Variants in PCM1 observed in about 807,000 individuals in gnomAD.
PCM1 encodes the protein pericentriolar material 1 protein.
In PCM1, 157 loss-of-function variants were observed where a neutral mutation model predicts 241.9. The observed-to-expected ratio is 0.65, with a 90% CI of 0.57 to 0.74. PCM1 has a LOEUF of 0.74. PCM1 is among the 30% of genes least tolerant of loss of function. The pLI is 0.00. For missense variants in PCM1, 3,478 were observed against 2,360.1 expected (o/e 1.47, Z -9.81); for synonymous variants, 1,085 against 784.9 (o/e 1.38, Z -6.39).
Position 18,029,661 on chromosome 8 carries a change from G to C in PCM1, c.*1999G>C, listed in dbSNP as rs751434145. 147 of 198,970 alleles carry C rather than the reference G, an allele frequency of 7.4e-4. No individual in the cohort carries two copies. Among genetic ancestry groups the C allele is most frequent in the Non-Finnish European group, 1.3e-3 (122 of 96,434 alleles). The allele number at this position is 198,970 out of a possible 1,614,324, so 12.3% of individuals were successfully genotyped here. ...AGTAGATAATTTAGTTTTAAAATAC[G>C]TAGGGTTTGAGAGCAGATATATTTA... On this transcript the variant is annotated 3_prime_UTR_variant, in exon 39 of 39. Transcript: ENST00000325083.
intron 17 of PCM1, among the ~76,000 whole-genome samples, chr8:17,963,790 C>T (rs2073643410): frequency 6.6e-6 from 1 of 152,106 alleles, no homozygotes; most frequent in African/African-American, 2.4e-5. Context: ...AATTATTTAG[C>T]TATATAGTAG....
chr8:17,999,118 C>G (rs1413470698), intron 29 of PCM1, among the ~76,000 whole-genome samples: 1 of 152,074 alleles, frequency 6.6e-6, no homozygotes. Context: ...TTGCGGATCC[C>G]AGGAGCCTGC....
At position 17,991,707 on chromosome 8, in the gene PCM1, A is replaced by G. The variant is rs1564224863; in HGVS notation, c.4690+7A>G. 2 of 1,539,566 alleles carry G rather than the reference A, an allele frequency of 1.3e-6. No homozygotes were observed. Among genetic ancestry groups the G allele is most frequent in the East Asian group, 2.5e-5 (1 of 40,728 alleles). On this transcript the variant is annotated splice_region_variant and intron_variant, in intron 28 of 38. Transcript: ENST00000325083. ...ACAGTTAATAATTTAGAAGGTATAT[A>G]TTTTTGTTTTCGGTAGGTTTTTGGA... is the stretch of plus-strand genomic sequence containing the variant.
rs1253876553 is a variant in PCM1, at chr8:17,985,581, A to G, written c.4243A>G (p.Thr1415Ala). 5 of 1,607,998 alleles carry G rather than the reference A, an allele frequency of 3.1e-6. No individual in the cohort carries two copies. The highest frequency in any genetic ancestry group is 4.2e-6 in the Non-Finnish European group (5 of 1,176,692). The change falls in exon 25 of 39, where the codon ACA becomes GCA. Residue 1415 changes from threonine (T) to alanine (A), a missense_variant. Coordinates refer to ENST00000325083, the MANE Select transcript of PCM1 (RefSeq NM_006197.4). ...ELFHELQLLN[T>A]DYLRQRALYA... The stretch of plus-strand genomic sequence containing the variant: ...CTTCCATGAGCTGCAGCTACTAAAC[A>G]CAGACTACTTGAGACAGAGGGCTTT...
rs377182355 is a variant in PCM1, at chr8:17,969,796, A to G, written c.3584+48A>G. 108 of 1,330,116 alleles carry G rather than the reference A, an allele frequency of 8.1e-5. 2 individuals are homozygous for G. In the South Asian group the frequency reaches 8.8e-4, roughly 11 times the overall value. 82.4% of individuals were successfully genotyped at this position (1,330,116 alleles called of 1,614,324 possible). ...TATTGCTTAAACATTCACTTTTGTGATTACATCTAATTATGTGTAATTTGA... is the reference window on the plus strand; with the variant it reads ...TATTGCTTAAACATTCACTTTTGTGGTTACATCTAATTATGTGTAATTTGA... On this transcript the variant is annotated intron_variant, in intron 22 of 38. Transcript: ENST00000325083.
intron 24 of PCM1, among the ~76,000 whole-genome samples, chr8:17,984,481 T>G (rs1387265082): frequency 6.6e-6 from 1 of 151,890 alleles, no homozygotes; most frequent in Non-Finnish European, 1.5e-5. Flanking sequence ...GCATATTTAT[T>G]GTTACATATA....
At position 17,980,704 on chromosome 8, in the gene PCM1, G is replaced by T. The variant is rs148806955; in HGVS notation, c.4057G>T (p.Glu1353Ter). Residue 1353 changes from glutamate (E) to a stop codon, truncating the protein, a stop_gained, in exon 24 of 39, where the codon GAG (glutamate) becomes TAG (stop). Transcript: ENST00000325083. LOFTEE classifies it high-confidence loss of function. ...AAAAGTATTCAGCAGAAAGAATCAT[G>T]AGCAACTGGAAAAAATAATAAAATG... ...QAKVFSRKNH[E>*]QLEKIIKCNR... 2.5e-3 allele frequency: 3,998 copies of T among 1,612,634 alleles called. No homozygotes were observed. The highest frequency in any genetic ancestry group is 3.0e-3 in the Non-Finnish European group (3,493 of 1,179,276).
intron 36 of PCM1, among the ~76,000 whole-genome samples, chr8:18,016,307 A>ATTAACACCTAAAGACTCTGGGACCCCT (rs1485566116): frequency 4.6e-5 from 7 of 152,290 alleles, no homozygotes; most frequent in Admixed American, 4.6e-4. Flanking sequence ...TTATGGGTTC[A>ATTAACACCTAAAGACTCTGGGACCCCT]TTAACACCTA....
intron 36 of PCM1, among the ~76,000 whole-genome samples, chr8:18,016,852 A>G (rs2093267101): frequency 6.6e-6 from 1 of 152,228 alleles, no homozygotes. Context: ...ACCCTCAGCC[A>G]GGACACCGAG....
intron 7 of PCM1, 148 bp downstream of exon 7, chr8:17,947,511 T>C: frequency 1.7e-6 from 1 of 590,186 alleles, no homozygotes; most frequent in Non-Finnish European, 2.9e-6. Flanking sequence ...CCTGTGCTTT[T>C]CTCTGGTTAT....
chr8:17,993,575 C>T lies in PCM1; in HGVS notation c.4783C>T (p.Arg1595Trp), dbSNP rs767534553. Residue 1595 changes from arginine (R) to tryptophan (W), a missense_variant, in exon 29 of 39, where the codon CGG becomes TGG. Physicochemically the swap from Arg to Trp is moderately radical, Grantham distance 101. Transcript: ENST00000325083. The part of the protein sequence containing the change: ...CPRIDTQQLD[R>W]QIKAIMKEVI... ...TAGAATTGATACTCAGCAGCTGGAC[C>T]GGCAAATTAAAGCAATTATGAAAGA... 131 of 1,595,286 alleles carry T rather than the reference C, an allele frequency of 8.2e-5. 1 individual carries two copies. Among genetic ancestry groups the T allele is most frequent in the South Asian group, 8.0e-4 (70 of 87,998 alleles).
chr8:17,968,699 C>A (rs958356544), intron 21 of PCM1, among the ~76,000 whole-genome samples: 1 of 147,428 alleles, frequency 6.8e-6, no homozygotes, highest in Admixed American at 6.8e-5. Flanking sequence ...CAGTGTTATG[C>A]CCAGCAATGT....
chr8:17,952,566 A>C (rs1180567472), intron 8 of PCM1, among the ~76,000 whole-genome samples: 1 of 152,192 alleles, frequency 6.6e-6, no homozygotes, highest in East Asian at 1.9e-4. Context: ...CAATTTTTAA[A>C]ATGCAAATTT....
chr8:18,002,103 T>C (rs1171407782), intron 29 of PCM1, among the ~76,000 whole-genome samples: 1 of 63,136 alleles, frequency 1.6e-5, no homozygotes, highest in Non-Finnish European at 2.7e-5. Context: ...CTCTAAGTTA[T>C]AGGGTACATG....
At chr8:17,997,953 T>C (rs550680187) in intron 29 of PCM1, among the ~76,000 whole-genome samples, 1 of 151,628 alleles carries the variant, frequency 6.6e-6, no homozygotes, top group Non-Finnish European at 1.5e-5. Context: ...GGAGAATCGC[T>C]TGAACCCGGG....
At position 17,968,096 on chromosome 8, in the gene PCM1, A is replaced by G. The variant is rs2075581923; in HGVS notation, c.3412+926A>G. Among the ~76,000 whole-genome samples, 2 of 152,286 alleles carry G rather than the reference A, an allele frequency of 1.3e-5. 1 individual carries two copies. Reference sequence around the variant, plus strand: ...AGTTGATATTTAAGCTAAAGAATGAATAGAATTTATTTCCAGAGAGATTAG... The same window carrying G: ...AGTTGATATTTAAGCTAAAGAATGAGTAGAATTTATTTCCAGAGAGATTAG... On this transcript the variant is annotated intron_variant, in intron 21 of 38. Transcript: ENST00000325083.
At chr8:17,935,907 A>T (rs1432805487) in intron 3 of PCM1, among the ~76,000 whole-genome samples, 1 of 152,220 alleles carries the variant, frequency 6.6e-6, no homozygotes, top group East Asian at 1.9e-4. Context: ...TTACTGTTAC[A>T]TAAAGATGTA....
chr8:17,988,315 T>C (rs1362411118), intron 26 of PCM1, among the ~76,000 whole-genome samples: 5 of 151,792 alleles, frequency 3.3e-5, no homozygotes, highest in East Asian at 3.9e-4. Context: ...TTTAAAAAGA[T>C]CATTAGTTAA....
chr8:17,968,067 AAAG>A (rs2075570453), intron 21 of PCM1, among the ~76,000 whole-genome samples: 3 of 152,114 alleles, frequency 2.0e-5, no homozygotes, highest in South Asian at 2.1e-4. Context: ...AAAAAAAAAA[AAAG>A]AGTTGATATT....
Sources: allele counts gnomAD v4.1 joint callset (sites outside exome capture counted in the v4.1 genomes callset), GRCh38; gene constraint gnomAD v4.1.1; transcripts MANE v1.5; gene names NCBI Gene and HGNC (gene_info 2026-07-23, HGNC 2026-07-21).